TMEM232: variants seen among roughly 807,000 people sequenced by gnomAD.
The protein encoded by TMEM232 is transmembrane protein 232.
In TMEM232, 80 loss-of-function variants were observed where a neutral mutation model predicts 78.8. That is an observed-to-expected ratio of 1.01 (90% confidence interval 0.85 to 1.22). The LOEUF (loss-of-function observed/expected upper bound fraction) is 1.22. TMEM232 is among the 50% of genes most tolerant of loss of function. The pLI, the probability that TMEM232 is intolerant of heterozygous loss-of-function variation, is 0.00. For synonymous variants in TMEM232, 297 were observed against 254.3 expected, an observed-to-expected ratio of 1.17 and a Z score of -1.60; for missense variants, 881 against 742.2, an observed-to-expected ratio of 1.19 and a Z score of -2.17.
intron 6 of TMEM232, among the ~76,000 whole-genome samples, chr5:110,626,958 C>T (rs1784498886): frequency 1.3e-5 from 2 of 152,002 alleles, no homozygotes; most frequent in South Asian, 4.1e-4. Context: ...GAATTAGTTT[C>T]TCCCTGCCCC....
At chr5:110,573,727 G>A (rs1336469442) in intron 10 of TMEM232, among the ~76,000 whole-genome samples, 6 of 152,042 alleles carry the variant, frequency 3.9e-5, no homozygotes, top group African/African-American at 1.2e-4. Context: ...TCCATGAGGA[G>A]GTGATATTCA....
intron 1 of TMEM232, among the ~76,000 whole-genome samples, chr5:110,684,413 T>A (rs141161851): frequency 0.012 from 1,785 of 152,206 alleles, 46 homozygotes; most frequent in African/African-American, 0.04. Context: ...CCAGTAAAGA[T>A]GGCTTTTGGC....
intron 1 of TMEM232, among the ~76,000 whole-genome samples, chr5:110,707,482 A>T (rs1796039257): frequency 1.3e-5 from 2 of 152,202 alleles, no homozygotes; most frequent in South Asian, 4.1e-4. Context: ...GCTAGGAGGG[A>T]ATCACCCATC....
At chr5:110,653,674 T>C (rs185084115) in intron 2 of TMEM232, among the ~76,000 whole-genome samples, 1,778 of 152,218 alleles carry the variant, frequency 0.012, 42 homozygotes, top group African/African-American at 0.04. Flanking sequence ...AATCATGATG[T>C]CAAGCATACA....
chr5:110,599,697 G>C (rs1780652576), intron 10 of TMEM232, among the ~76,000 whole-genome samples: 1 of 152,036 alleles, frequency 6.6e-6, no homozygotes, highest in East Asian at 1.9e-4. Context: ...AAGAGATATA[G>C]ACTCCCACAC....
Position 110,513,426 on chromosome 5 carries a change from C to T in TMEM232, c.1703+15162G>A, listed in dbSNP as rs765329949. ...GTTAATATTTAAAATATGTAAGAAA[C>T]TCATACAACTTAATATCAAATAAAA... On this transcript the variant is annotated intron_variant, in intron 12 of 13. Transcript: ENST00000455884. Among the ~76,000 whole-genome samples the T allele has an allele frequency of 2.0e-5, 3 of 151,988 alleles. 1 individual carries two copies. Among genetic ancestry groups the T allele is most frequent in the Non-Finnish European group, 4.4e-5 (3 of 67,974 alleles).
chr5:110,522,084 G>T (rs533299900), intron 12 of TMEM232, among the ~76,000 whole-genome samples: 3 of 152,120 alleles, frequency 2.0e-5, no homozygotes. Context: ...ATTCATTTAT[G>T]TATTCTTTAT....
intron 11 of TMEM232, among the ~76,000 whole-genome samples, chr5:110,541,839 C>G (rs1773157678): frequency 6.6e-6 from 1 of 152,054 alleles, no homozygotes; most frequent in Non-Finnish European, 1.5e-5. Flanking sequence ...CCTAGTTAAC[C>G]TAGGAAAATT....
At chr5:110,431,338 A>G (rs915816795) in intron 12 of TMEM232, among the ~76,000 whole-genome samples, 2 of 151,606 alleles carry the variant, frequency 1.3e-5, no homozygotes, top group African/African-American at 4.8e-5. Context: ...GGACTCCTGA[A>G]AATTTACACT....
intron 12 of TMEM232, among the ~76,000 whole-genome samples, chr5:110,500,304 A>G (rs573415456): frequency 1.1e-4 from 17 of 148,608 alleles, no homozygotes; most frequent in South Asian, 4.2e-4. Flanking sequence ...AAAAAAAAAA[A>G]AAAGAAAGAA....
At chr5:110,403,427 G>A (rs531299137) in intron 2 of TMEM232, among the ~76,000 whole-genome samples, 11 of 152,120 alleles carry the variant, frequency 7.2e-5, no homozygotes, top group South Asian at 4.1e-4. Flanking sequence ...ATCTAAGGAC[G>A]TCCCATATTC....
intron 1 of TMEM232, among the ~76,000 whole-genome samples, chr5:110,677,040 C>G (rs1341608663): frequency 6.6e-6 from 1 of 152,006 alleles, no homozygotes; most frequent in African/African-American, 2.4e-5. Context: ...GGATTACAGG[C>G]GTGAGCCACC....
intron 1 of TMEM232, among the ~76,000 whole-genome samples, chr5:110,670,230 A>G (rs893049929): frequency 7.2e-5 from 11 of 152,068 alleles, no homozygotes; most frequent in Non-Finnish European, 1.5e-4. Flanking sequence ...TATTTAGAAA[A>G]CCCCATTGTC....
Position 110,523,973 on chromosome 5 carries a change from G to GT in TMEM232, c.1703+4614_1703+4615insA, listed in dbSNP as rs1769972611. ...TGGTTTAAAAAAAAAAAAAGGGGGGGGGGCGGGGGGGCTGGGCCTGGTGGC... is the reference window on the plus strand; with the variant it reads ...TGGTTTAAAAAAAAAAAAAGGGGGGGTGGGCGGGGGGGCTGGGCCTGGTGGC... On this transcript the variant is annotated intron_variant, in intron 12 of 13. Transcript: ENST00000455884. Among the ~76,000 whole-genome samples the GT allele has an allele frequency of 5.9e-5, 7 of 118,136 alleles. No homozygotes were observed. In the South Asian group the frequency reaches 2.5e-3, roughly 41 times the overall value. 77.5% of individuals were successfully genotyped at this position (118,136 alleles called of 152,430 possible).
At chr5:110,695,888 T>G (rs1327097198) in intron 1 of TMEM232, among the ~76,000 whole-genome samples, 2 of 152,152 alleles carry the variant, frequency 1.3e-5, no homozygotes, top group Admixed American at 6.5e-5. Flanking sequence ...GAGAAGCTGG[T>G]ACCATTCCTT....
intron 1 of TMEM232, among the ~76,000 whole-genome samples, chr5:110,695,915 C>T (rs992506498): frequency 3.3e-5 from 5 of 151,990 alleles, no homozygotes; most frequent in Non-Finnish European, 5.9e-5. Context: ...CTATTCCAAT[C>T]GATAGAAAAA....
chr5:110,713,524 T>C (rs1037863537), intron 1 of TMEM232, among the ~76,000 whole-genome samples: 2 of 152,014 alleles, frequency 1.3e-5, no homozygotes, highest in African/African-American at 4.8e-5. Context: ...CATAAATATA[T>C]ACACCTACTA....
intron 12 of TMEM232, among the ~76,000 whole-genome samples, chr5:110,428,658 TC>T (rs1157690510): frequency 6.6e-6 from 1 of 151,168 alleles, no homozygotes; most frequent in East Asian, 1.9e-4. Context: ...TTTTTTTTTT[TC>T]CCCAGAAGAG....
chr5:110,732,621 G>A (rs554401461), intron 2 of TMEM232, among the ~76,000 whole-genome samples: 2 of 152,242 alleles, frequency 1.3e-5, no homozygotes, highest in African/African-American at 4.8e-5. Flanking sequence ...GCATGGGAAC[G>A]ACCAGCTCCC....
Sources: gnomAD v4.1 joint callset for allele counts (sites outside exome capture counted in the v4.1 genomes callset) on GRCh38, gnomAD v4.1.1 for gene constraint, MANE v1.5 for transcripts, NCBI Gene and HGNC (gene_info 2026-07-23, HGNC 2026-07-21) for gene names.